The following ATP9B variants were observed in gnomAD, a reference collection of about 807,000 sequenced individuals.
The protein encoded by ATP9B is probable phospholipid-transporting ATPase IIB.
ATP9B carries 110 observed loss-of-function variants against 146.1 expected under a neutral mutation model. The observed-to-expected ratio is 0.75, with a 90% CI of 0.65 to 0.88. The LOEUF (loss-of-function observed/expected upper bound fraction) is 0.88, where lower values mean the gene tolerates loss of function less well. ATP9B is among the 40% of genes least tolerant of loss of function. The pLI is 0.00. For synonymous variants in ATP9B, 604 were observed against 569.7 expected, an observed-to-expected ratio of 1.06 and a Z score of -0.86; for missense variants, 1,499 against 1,496.4, an observed-to-expected ratio of 1.00 and a Z score of -0.03.
At chr18:79,207,176 G>C (rs566554563) in intron 10 of ATP9B, among the ~76,000 whole-genome samples, 164 bp downstream of exon 10, 1 of 152,384 alleles carries the variant, frequency 6.6e-6, no homozygotes, top group East Asian at 1.9e-4. Flanking sequence ...CTGGGAGCTT[G>C]TGGTGAGGCT....
At chr18:79,332,851 C>T (rs944951459) in intron 17 of ATP9B, 1 of 152,202 alleles carries the variant, frequency 6.6e-6, no homozygotes, top group African/African-American at 2.4e-5. Context: ...AATTCCTAAA[C>T]AGGAGACGGG....
chr18:79,219,877 G>A (rs773757924), intron 11 of ATP9B, among the ~76,000 whole-genome samples: 1 of 152,208 alleles, frequency 6.6e-6, no homozygotes, highest in Non-Finnish European at 1.5e-5. Context: ...AAGACTTTGA[G>A]ACAGTTCTTG....
chr18:79,256,257 C>CCATATATATA lies in ATP9B; in HGVS notation c.1268+2716_1268+2717insCATATATATA, dbSNP rs1262664506. Among the ~76,000 whole-genome samples, 235 of 100,322 alleles carry CCATATATATA rather than the reference C, an allele frequency of 2.3e-3. 11 individuals are homozygous for CCATATATATA. The highest frequency in any genetic ancestry group is 3.1e-3 in the Admixed American group (31 of 9,882). The allele number at this position is 100,322 out of a possible 152,430, so 65.8% of individuals were successfully genotyped here. On this transcript the variant is annotated intron_variant, in intron 12 of 29. Coordinates refer to ENST00000426216, the MANE Select transcript of ATP9B (RefSeq NM_198531.5). ...ATGCCATTTTGTGAATTCTAGCTAGCTATATATATATATATATATATATAT... is the reference window on the plus strand; with the variant it reads ...ATGCCATTTTGTGAATTCTAGCTAGCCATATATATATATATATATATATATATATATATAT...
chr18:79,092,577 C>CT (rs927676284), intron 1 of ATP9B, among the ~76,000 whole-genome samples: 1 of 125,680 alleles, frequency 8.0e-6, no homozygotes, highest in African/African-American at 3.0e-5. Flanking sequence ...AAAATATTTT[C>CT]TTTTTTTATA....
rs564440689 is a variant in ATP9B, at chr18:79,329,430, G to GTTTT, written c.1935+137_1935+140dup. On this transcript the variant is annotated intron_variant, in intron 16 of 29. Coordinates refer to ENST00000426216, the MANE Select transcript of ATP9B (RefSeq NM_198531.5). ...GCTTTATGCTGTTACAGTTTTGTTT[G>GTTTT]TTTTTTTTTTTTAATGAAATCTAAG... 1.1e-4 allele frequency: 90 copies of GTTTT among 809,456 alleles called. No individual in the cohort carries two copies. The African/African-American group carries it at 1.4e-3, about 12-fold the overall frequency. The allele number at this position is 809,456 out of a possible 1,614,324, so 50.1% of individuals were successfully genotyped here.
At chr18:79,288,841 C>A (rs541170451) in intron 13 of ATP9B, among the ~76,000 whole-genome samples, 3 of 152,100 alleles carry the variant, frequency 2.0e-5, no homozygotes, top group Non-Finnish European at 4.4e-5. Flanking sequence ...ATTTGCTTGT[C>A]TGTAAAGTAT....
In ATP9B at chr18:79,345,566, G is replaced by A. The variant is rs754617060; in HGVS notation, c.2611G>A (p.Ala871Thr). The change falls in exon 22 of 30, where the codon GCC (alanine) becomes ACC (threonine). Residue 871 changes from alanine to threonine, a missense_variant. Transcript: ENST00000426216. ...LQQHTGRRTC[A>T]IGDGGNDVSM... ...GCAGCACACAGGGAGACGCACCTGCGCCATCGGTGAGAGCCGCCCACCCTG... is the reference window on the plus strand; with the variant it reads ...GCAGCACACAGGGAGACGCACCTGCACCATCGGTGAGAGCCGCCCACCCTG... The A allele has an allele frequency of 5.6e-6, 9 of 1,607,760 alleles. No individual in the cohort carries two copies. In the African/African-American group the frequency reaches 6.7e-5, roughly 12 times the overall value.
chr18:79,260,462 C>T (rs2096128653), intron 12 of ATP9B, among the ~76,000 whole-genome samples: 1 of 152,124 alleles, frequency 6.6e-6, no homozygotes, highest in South Asian at 2.1e-4. Flanking sequence ...ATTTCAGGGG[C>T]TGACTAAAGG....
In ATP9B at chr18:79,327,566, G is replaced by A. The variant is rs1477036026; in HGVS notation, c.1774-1575G>A. 1.1e-3 allele frequency among the ~76,000 whole-genome samples: 131 copies of A among 119,824 alleles called. 3 individuals are homozygous for A. The East Asian group carries it at 0.012, about 11-fold the overall frequency. The allele number at this position is 119,824 out of a possible 152,430, so 78.6% of individuals were successfully genotyped here. A position where few individuals can be genotyped will look rare whatever the true frequency, so the allele number is the denominator to read the frequency against. ...GCTCTCCGTGGTTAGCGTGCTCTCC[G>A]TGGTTAGCGTGCTCTCCGTGGTTAA... is the stretch of plus-strand genomic sequence containing the variant. On this transcript the variant is annotated intron_variant, in intron 15 of 29. Coordinates refer to ENST00000426216, the MANE Select transcript of ATP9B (RefSeq NM_198531.5).
chr18:79,171,993 A>G (rs532428164), intron 7 of ATP9B, among the ~76,000 whole-genome samples: 1 of 152,146 alleles, frequency 6.6e-6, no homozygotes, highest in Non-Finnish European at 1.5e-5. Context: ...GGTTCAAGCA[A>G]TTCTCCTGCC....
intron 25 of ATP9B, among the ~76,000 whole-genome samples, chr18:79,348,713 C>T (rs993518194): frequency 1.3e-5 from 2 of 152,258 alleles, no homozygotes; most frequent in Admixed American, 6.5e-5. Context: ...CGGTGGCTCA[C>T]GCCTGTAATC....
At chr18:79,312,250 C>G (rs1369129019) in intron 15 of ATP9B, among the ~76,000 whole-genome samples, 1 of 152,212 alleles carries the variant, frequency 6.6e-6, no homozygotes, top group Non-Finnish European at 1.5e-5. Flanking sequence ...GTGGTGCCTT[C>G]TATGGACTGG....
At chr18:79,075,732 T>A (rs1009491526) in intron 1 of ATP9B, among the ~76,000 whole-genome samples, 1 of 152,222 alleles carries the variant, frequency 6.6e-6, no homozygotes, top group African/African-American at 2.4e-5. Flanking sequence ...GTTGGTTCTT[T>A]TTTTTTACCC....
At chr18:79,224,402 G>A (rs2095709520) in intron 11 of ATP9B, among the ~76,000 whole-genome samples, 1 of 152,178 alleles carries the variant, frequency 6.6e-6, no homozygotes, top group Admixed American at 6.5e-5. Flanking sequence ...TCTGTGGGGT[G>A]GAAAGCAAGT....
intron 20 of ATP9B, chr18:79,343,793 C>CT (rs2096871380): frequency 4.9e-6 from 1 of 204,774 alleles, no homozygotes; most frequent in Non-Finnish European, 9.7e-6. Flanking sequence ...GTCAGTGACT[C>CT]TCAGCAGCGC....
chr18:79,320,733 A>G (rs957832975), intron 15 of ATP9B, among the ~76,000 whole-genome samples: 2 of 151,876 alleles, frequency 1.3e-5, no homozygotes, highest in African/African-American at 4.8e-5. Context: ...GTAGAACCCT[A>G]TCCCACTTCC....
intron 10 of ATP9B, among the ~76,000 whole-genome samples, chr18:79,210,667 C>T (rs1053939915): frequency 2.0e-5 from 3 of 152,358 alleles, no homozygotes; most frequent in African/African-American, 7.2e-5. Flanking sequence ...GCCTTGCTAT[C>T]ATCGGGTCCA....
intron 13 of ATP9B, among the ~76,000 whole-genome samples, chr18:79,296,320 CAGA>C (rs568862350): frequency 6.6e-6 from 1 of 152,282 alleles, no homozygotes; most frequent in East Asian, 1.9e-4. Context: ...TACTGCAGCC[CAGA>C]AGGAGTGAGA....
chr18:79,304,227 T>C (rs924224268), intron 14 of ATP9B, among the ~76,000 whole-genome samples: 1 of 152,188 alleles, frequency 6.6e-6, no homozygotes, highest in Non-Finnish European at 1.5e-5. Flanking sequence ...TATTATATTA[T>C]GACATGAAGC....
Sources: allele counts gnomAD v4.1 joint callset (sites outside exome capture counted in the v4.1 genomes callset), GRCh38; gene constraint gnomAD v4.1.1; transcripts MANE v1.5; gene names NCBI Gene and HGNC (gene_info 2026-07-23, HGNC 2026-07-21).